VPS13B: variants seen among roughly 807,000 people sequenced by gnomAD.
VPS13B encodes the protein intermembrane lipid transfer protein VPS13B.
In VPS13B, 285 loss-of-function variants were observed where a neutral mutation model predicts 426.4. That is an observed-to-expected ratio of 0.67 (90% confidence interval 0.61 to 0.74). The LOEUF (loss-of-function observed/expected upper bound fraction) is 0.74, where lower values mean the gene tolerates loss of function less well. VPS13B is among the 30% of genes least tolerant of loss of function. VPS13B has a pLI of 0.00. For synonymous variants in VPS13B, 1,676 were observed against 1,676.4 expected, an observed-to-expected ratio of 1.00 and a Z score of 0.01; for missense variants, 4,537 against 4,782.6, an observed-to-expected ratio of 0.95 and a Z score of 1.51.
chr8:99,317,217 G>A (rs1809715491), intron 19 of VPS13B, among the ~76,000 whole-genome samples: 1 of 152,138 alleles, frequency 6.6e-6, no homozygotes, highest in Non-Finnish European at 1.5e-5. Context: ...TAGTGAGTGG[G>A]TATGGATCTG....
At position 99,068,440 on chromosome 8, in the gene VPS13B, G is replaced by C. The variant is rs1420441116; in HGVS notation, c.292-27872G>C. Among the ~76,000 whole-genome samples, 9 of 152,130 alleles carry C rather than the reference G, an allele frequency of 5.9e-5. 1 individual carries two copies. The highest frequency in any genetic ancestry group is 7.4e-5 in the Non-Finnish European group (5 of 68,018). ...TCAAACTATGCCCCATGGGCTCACTGCCTGTTTTTGTAAATACAAGTTTTT... is the reference window on the plus strand; with the variant it reads ...TCAAACTATGCCCCATGGGCTCACTCCCTGTTTTTGTAAATACAAGTTTTT... On this transcript the variant is annotated intron_variant, in intron 3 of 61. Coordinates refer to ENST00000357162, the MANE Select transcript of VPS13B (RefSeq NM_152564.5).
intron 35 of VPS13B, among the ~76,000 whole-genome samples, chr8:99,688,563 A>G (rs947098442): frequency 1.3e-5 from 2 of 152,062 alleles, no homozygotes; most frequent in Non-Finnish European, 2.9e-5. Context: ...GGAATACAGC[A>G]TGTCTGAGAG....
intron 36 of VPS13B, among the ~76,000 whole-genome samples, chr8:99,700,278 C>T (rs1245953005): frequency 6.6e-6 from 1 of 152,158 alleles, no homozygotes; most frequent in Admixed American, 6.5e-5. Context: ...AGTGTGATCT[C>T]TGGACTAGCA....
intron 23 of VPS13B, 64 bp from the exon 24 acceptor site, chr8:99,467,350 C>A: frequency 2.7e-6 from 4 of 1,460,798 alleles, no homozygotes; most frequent in Non-Finnish European, 3.8e-6. Flanking sequence ...ATTTTACTAT[C>A]AAGTGAAAAT....
intron 33 of VPS13B, among the ~76,000 whole-genome samples, chr8:99,619,810 G>A (rs1488263424): frequency 6.6e-6 from 1 of 151,894 alleles, no homozygotes; most frequent in Non-Finnish European, 1.5e-5. Context: ...AGTGGAGGTT[G>A]TATGCAGTGT....
rs1815120408 is a variant in VPS13B, at chr8:99,832,358, T to C, written c.9331-11T>C. The C allele has an allele frequency of 2.0e-6, 3 of 1,471,718 alleles. No homozygotes were observed. Among genetic ancestry groups the C allele is most frequent in the Non-Finnish European group, 2.7e-6 (3 of 1,118,186 alleles). 91.2% of individuals were successfully genotyped at this position (1,471,718 alleles called of 1,614,324 possible). On this transcript the variant is annotated splice_polypyrimidine_tract_variant and intron_variant, in intron 51 of 61. Coordinates refer to ENST00000357162, the MANE Select transcript of VPS13B (RefSeq NM_152564.5). ...CTCTCTGCATTTTTTTTTTTTTTTT[T>C]TTTTTTTTAGTATTTTCGTGTTCCA...
intron 30 of VPS13B, among the ~76,000 whole-genome samples, chr8:99,534,677 A>T (rs187398898): frequency 6.6e-6 from 1 of 152,250 alleles, no homozygotes; most frequent in East Asian, 1.9e-4. Flanking sequence ...CATCTTTGGG[A>T]CTTCTGGAAT....
chr8:99,818,406 A>C, intron 45 of VPS13B, 45 bp from the exon 46 acceptor site: 1 of 1,549,112 alleles, frequency 6.5e-7, no homozygotes, highest in South Asian at 1.1e-5. Context: ...ATTAATTAGT[A>C]AACTGCTTAG....
intron 5 of VPS13B, among the ~76,000 whole-genome samples, chr8:99,109,948 G>T (rs1213746379): frequency 1.3e-5 from 2 of 151,886 alleles, no homozygotes; most frequent in East Asian, 3.9e-4. Context: ...ACATCTACAG[G>T]ATATCTTTTT....
chr8:99,393,149 C>T lies in VPS13B; in HGVS notation c.3082+1445C>T, dbSNP rs576110215. Among the ~76,000 whole-genome samples the T allele has an allele frequency of 6.3e-4, 95 of 151,758 alleles. 3 individuals are homozygous for T. The highest frequency in any genetic ancestry group is 6.2e-4 in the South Asian group (3 of 4,810). ...TAAAATAATGGTTAAGGATAATTAA[C>T]GGTGACAGAAAATGCTTATAATGTA... On this transcript the variant is annotated intron_variant, in intron 21 of 61. Coordinates refer to ENST00000357162, the MANE Select transcript of VPS13B (RefSeq NM_152564.5).
chr8:99,278,994 C>T (rs576040226), intron 19 of VPS13B, among the ~76,000 whole-genome samples: 2 of 152,258 alleles, frequency 1.3e-5, no homozygotes, highest in South Asian at 4.2e-4. Context: ...GTAGATACAA[C>T]AGGTCACATA....
chr8:99,234,150 G>A, intron 17 of VPS13B: 1 of 783,498 alleles, frequency 1.3e-6, no homozygotes, highest in Non-Finnish European at 2.4e-6. Flanking sequence ...GGGGGTAAAG[G>A]GGGAGCTCAC....
chr8:99,637,471 T>G (rs1283182156), intron 33 of VPS13B, among the ~76,000 whole-genome samples: 1 of 152,124 alleles, frequency 6.6e-6, no homozygotes, highest in East Asian at 1.9e-4. Flanking sequence ...CTTTCATCTC[T>G]AGGTCATTGG....
At chr8:99,863,234 G>C (rs1156563038) in intron 58 of VPS13B, among the ~76,000 whole-genome samples, 1 of 152,182 alleles carries the variant, frequency 6.6e-6, no homozygotes, top group African/African-American at 2.4e-5. Context: ...TAGTATGGTA[G>C]CAAATGAACT....
intron 22 of VPS13B, among the ~76,000 whole-genome samples, chr8:99,432,402 G>T (rs1052033492): frequency 1.4e-4 from 22 of 152,014 alleles, no homozygotes; most frequent in Admixed American, 7.9e-4. Context: ...TGAGAACAAG[G>T]TTTTGTGATC....
intron 17 of VPS13B, among the ~76,000 whole-genome samples, chr8:99,198,886 T>C (rs967289980): frequency 3.3e-5 from 5 of 152,096 alleles, no homozygotes; most frequent in Non-Finnish European, 5.9e-5. Flanking sequence ...TGTATTCTTA[T>C]GGAGTGCTTA....
intron 14 of VPS13B, among the ~76,000 whole-genome samples, chr8:99,153,009 A>G (rs538759648): frequency 6.6e-6 from 1 of 152,194 alleles, no homozygotes; most frequent in African/African-American, 2.4e-5. Context: ...TCTCTACAAA[A>G]AAATACAAAA....
At chr8:99,052,174 A>C (rs1843590543) in intron 3 of VPS13B, among the ~76,000 whole-genome samples, 1 of 137,492 alleles carries the variant, frequency 7.3e-6, no homozygotes, top group African/African-American at 2.8e-5. Flanking sequence ...GGTTTGTCAT[A>C]GATAGCTCTT....
In VPS13B at chr8:99,853,522, C is replaced by T; in HGVS notation, c.10133C>T (p.Thr3378Ile). ...AGCCTGGCAGTGTTTGATGACCTCA[C>T]CCACCACAAAGCATCAGCTGAGCTT... is the stretch of plus-strand genomic sequence containing the variant. ...QLSLAVFDDL[T>I]HHKASAELLR... Residue 3378 changes from threonine to isoleucine, a missense_variant, in exon 56 of 62, where the codon ACC becomes ATC. Thr to Ile is a moderately conservative substitution (Grantham distance 89, BLOSUM62 -1). This residue lies in a region of VPS13B where 4,311 missense variants were observed against 4,474.3 expected (regional missense o/e 0.96). Coordinates refer to ENST00000357162, the MANE Select transcript of VPS13B (RefSeq NM_152564.5). 6.2e-7 allele frequency: 1 copy of T among 1,614,204 alleles called. No individual in the cohort carries two copies. Among genetic ancestry groups the T allele is most frequent in the Non-Finnish European group, 8.5e-7 (1 of 1,180,044 alleles).
Sources: allele counts gnomAD v4.1 joint callset (sites outside exome capture counted in the v4.1 genomes callset), GRCh38; gene constraint gnomAD v4.1.1; regional missense constraint gnomAD v4.1.1; transcripts MANE v1.5; gene names NCBI Gene and HGNC (gene_info 2026-07-23, HGNC 2026-07-21).